ZNF875: variants seen among roughly 807,000 people sequenced by gnomAD.
ZNF875 encodes HKR1, GLI-Kruppel zinc finger family member.
In ZNF875, 14 loss-of-function variants were observed where a neutral mutation model predicts 11.2. The observed-to-expected ratio is 1.26, with a 90% CI of 0.83 to 1.96. The LOEUF (loss-of-function observed/expected upper bound fraction) is 1.96, where lower values mean the gene tolerates loss of function less well. Ranked by LOEUF, ZNF875 falls within the 30% of genes most tolerant of loss-of-function variation. The pLI, the probability that ZNF875 is intolerant of heterozygous loss-of-function variation, is 0.00. For missense variants in ZNF875, 752 were observed against 760.4 expected, an observed-to-expected ratio of 0.99 and a Z score of 0.13; for synonymous variants, 301 against 281.1, an observed-to-expected ratio of 1.07 and a Z score of -0.71.
rs2040056963 is a variant in ZNF875, at chr19:37,362,221, A to T, written c.369A>T (p.Leu123Phe). ...LSHLSQLFSS[L>F]WAGNPLHLGK... ...ATCTCTCTCAGCTGTTTTCAAGTTTATGGGCAGGAAATCCTCTCCACCTGG... is the reference window on the plus strand; with the variant it reads ...ATCTCTCTCAGCTGTTTTCAAGTTTTTGGGCAGGAAATCCTCTCCACCTGG... The change falls in exon 5 of 5, where the codon TTA becomes TTT. Residue 123 changes from leucine (L) to phenylalanine (F), a missense_variant. Transcript: ENST00000392153. The T allele has an allele frequency of 6.2e-7, 1 of 1,614,038 alleles. No individual in the cohort carries two copies. The highest frequency in any genetic ancestry group is 1.7e-5 in the Admixed American group (1 of 60,006).
intron 1 of ZNF875, 160 bp from the exon 2 acceptor site, chr19:37,335,009 G>C: frequency 7.3e-6 from 4 of 549,448 alleles, no homozygotes; most frequent in Non-Finnish European, 1.3e-5. Flanking sequence ...GCTTGAGGGT[G>C]GCTGGGTCAT....
rs143508441 is a variant in ZNF875, at chr19:37,359,950, A to AT, written c.257-2154dup. Reference sequence around the variant, plus strand: ...AATGCTGATTAAGTTTAACTTACCAATTTTTAAAATGGGTTGTGCTTTTGG... The same window carrying AT: ...AATGCTGATTAAGTTTAACTTACCAATTTTTTAAAATGGGTTGTGCTTTTGG... On this transcript the variant is annotated intron_variant, in intron 4 of 4. Transcript: ENST00000392153. Among the ~76,000 whole-genome samples the AT allele has an allele frequency of 6.4e-3, 978 of 152,230 alleles. 9 individuals carry two copies. Among genetic ancestry groups the AT allele is most frequent in the African/African-American group, 0.022 (911 of 41,542 alleles).
rs114715417 is a variant in ZNF875 at position 37,335,626 on chromosome 19, G to T, written c.33+369G>T. On this transcript the variant is annotated intron_variant, in intron 2 of 4. Transcript: ENST00000392153. ...GATAACAAGTTAGGGGGTGGTGATTGTCAGGTAATTGTCAGTTGGCCGTTT... is the reference window on the plus strand; with the variant it reads ...GATAACAAGTTAGGGGGTGGTGATTTTCAGGTAATTGTCAGTTGGCCGTTT... Among the ~76,000 whole-genome samples, 670 of 152,330 alleles carry T rather than the reference G, an allele frequency of 4.4e-3. 4 individuals are homozygous for T. Among genetic ancestry groups the T allele is most frequent in the African/African-American group, 0.015 (624 of 41,576 alleles).
At chr19:37,318,109 T>C (rs2030397540) in exon 1 of ZNF875, 1 of 154,362 alleles carries the variant, frequency 6.5e-6, no homozygotes, top group African/African-American at 2.4e-5. Flanking sequence ...TCCCCATCCG[T>C]CCACCGGACT....
At chr19:37,324,395 C>T (rs1183482646) in intron 4 of ZNF875, 1 of 152,178 alleles carries the variant, frequency 6.6e-6, no homozygotes, top group Non-Finnish European at 1.5e-5. Context: ...CTGTAGACCT[C>T]AGGCTCCAAC....
At chr19:37,334,403 C>G (rs1355544857), upstream of ZNF875, among the ~76,000 whole-genome samples, 2 of 152,226 alleles carry the variant, frequency 1.3e-5, no homozygotes, top group African/African-American at 2.4e-5. Context: ...CTTCGGCAGT[C>G]CCGCGATGCC....
chr19:37,356,808 GT>G (rs1473943809), intron 4 of ZNF875, among the ~76,000 whole-genome samples: 1 of 152,152 alleles, frequency 6.6e-6, no homozygotes, highest in Non-Finnish European at 1.5e-5. Flanking sequence ...TTCTTTTGCA[GT>G]GCAGAAGCTC....
intron 4 of ZNF875, among the ~76,000 whole-genome samples, chr19:37,327,245 G>A (rs1457037487): frequency 3.3e-5 from 5 of 151,308 alleles, no homozygotes; most frequent in South Asian, 2.1e-4. Context: ...CGCCCACCTC[G>A]GCCTCCCAAA....
upstream of ZNF875, among the ~76,000 whole-genome samples, chr19:37,331,759 A>G (rs1345742008): frequency 6.9e-6 from 1 of 144,650 alleles, no homozygotes; most frequent in Non-Finnish European, 1.6e-5. Flanking sequence ...AGTCTGAAAG[A>G]TGGCCTCGTG....
intron 2 of ZNF875, among the ~76,000 whole-genome samples, chr19:37,339,907 C>T (rs2035332620): frequency 1.3e-5 from 2 of 151,980 alleles, no homozygotes; most frequent in African/African-American, 4.8e-5. Flanking sequence ...CCAATTACTT[C>T]TTTCTTTTCT....
At chr19:37,345,937 G>A (rs2036673548) in intron 2 of ZNF875, among the ~76,000 whole-genome samples, 1 of 152,014 alleles carries the variant, frequency 6.6e-6, no homozygotes, top group South Asian at 2.1e-4. Context: ...GCAGAGGTTC[G>A]TTTGAAACTT....
At chr19:37,353,181 C>A (rs555954742) in intron 4 of ZNF875, among the ~76,000 whole-genome samples, 3 of 152,044 alleles carry the variant, frequency 2.0e-5, no homozygotes, top group Admixed American at 2.0e-4. Flanking sequence ...GCTCCTTTTT[C>A]GATCTTCATG....
rs769889310 is a variant in ZNF875 at position 37,363,218 on chromosome 19, G to A, written c.1366G>A (p.Gly456Arg). ...TAAACCTTATGTCTGCCTGGAGTGC[G>A]GGCAGTGCTTTAGCCTGAAGTCAAA... ...GVKPYVCLEC[G>R]QCFSLKSNLN... is the part of the protein sequence containing the mutation. Residue 456 changes from glycine (G) to arginine (R), a missense_variant, in exon 5 of 5, where the codon GGG (glycine) becomes AGG (arginine). By Grantham distance (125) the Gly-to-Arg change is moderately radical (BLOSUM62 -2). Coordinates refer to ENST00000392153, the MANE Select transcript of ZNF875 (RefSeq NM_001353803.2). 33 of 1,613,938 alleles carry A rather than the reference G, an allele frequency of 2.0e-5. No homozygotes were observed. The highest frequency in any genetic ancestry group is 4.4e-5 in the South Asian group (4 of 91,086).
In ZNF875 at chr19:37,347,833, T is replaced by G; in HGVS notation, c.217T>G (p.Trp73Gly). 6.2e-7 allele frequency: 1 copy of G among 1,613,268 alleles called. No homozygotes were observed. Among genetic ancestry groups the G allele is most frequent in the Non-Finnish European group, 8.5e-7 (1 of 1,179,278 alleles). The change falls in exon 4 of 5, where the codon TGG becomes GGG. Residue 73 changes from tryptophan (W) to glycine (G), a missense_variant. By Grantham distance (184) the Trp-to-Gly change is radical. Coordinates refer to ENST00000392153, the MANE Select transcript of ZNF875 (RefSeq NM_001353803.2). ...TCAGCTGGAGCGAGGGGAAGCGCCC[T>G]GGAGAGAGGAGAGAAAATGTCCACT... Reference protein sequence around the residue: ...IAQLERGEAPWREERKCPLDL... With the variant: ...IAQLERGEAPGREERKCPLDL...
chr19:37,333,528 G>A (rs145920006), upstream of ZNF875, among the ~76,000 whole-genome samples: 1 of 152,114 alleles, frequency 6.6e-6, no homozygotes. Flanking sequence ...CATTCTGGAG[G>A]GGGTAGGGTG....
In ZNF875 at chr19:37,363,100, C is replaced by T; in HGVS notation, c.1248C>T (p.His416=). The T allele has an allele frequency of 6.2e-7, 1 of 1,613,924 alleles. No individual in the cohort carries two copies. Among genetic ancestry groups the T allele is most frequent in the Non-Finnish European group, 8.5e-7 (1 of 1,179,990 alleles). Residue 416 remains histidine, a synonymous_variant, in exon 5 of 5, where the codon CAC becomes CAT. Transcript: ENST00000392153. ...KSHLIRHLRT[H]TGEKPYVCTE... is the part of the protein sequence containing the mutation. ...ACCTCATCAGACACTTAAGGACACACACAGGAGAGAAGCCTTATGTATGCA... is the reference window on the plus strand; with the variant it reads ...ACCTCATCAGACACTTAAGGACACATACAGGAGAGAAGCCTTATGTATGCA...
At chr19:37,359,395 A>G in intron 4 of ZNF875, 1 of 202,262 alleles carries the variant, frequency 4.9e-6, no homozygotes. Flanking sequence ...GCATTGTGAA[A>G]TATATAGTCT....
intron 2 of ZNF875, among the ~76,000 whole-genome samples, chr19:37,339,056 G>A (rs929520897): frequency 7.9e-5 from 12 of 151,926 alleles, no homozygotes; most frequent in African/African-American, 2.9e-4. Flanking sequence ...ACAAACTTGA[G>A]TGTCTGCTAT....
In ZNF875 at chr19:37,349,518, T is replaced by G. The variant is rs193072981; in HGVS notation, c.256+1646T>G. Among the ~76,000 whole-genome samples, 21 of 152,352 alleles carry G rather than the reference T, an allele frequency of 1.4e-4. No individual in the cohort carries two copies. In the East Asian group the frequency reaches 4.0e-3, roughly 29 times the overall value. ...TTATATGTTCATTCCTTGACTGGCC[T>G]TGGTGTTTGCTCTTCTGTGAAGCCT... is the stretch of plus-strand genomic sequence containing the variant. On this transcript the variant is annotated intron_variant, in intron 4 of 4. Coordinates refer to ENST00000392153, the MANE Select transcript of ZNF875 (RefSeq NM_001353803.2).
Sources: gnomAD v4.1 joint callset for allele counts (sites outside exome capture counted in the v4.1 genomes callset) on GRCh38, gnomAD v4.1.1 for gene constraint, MANE v1.5 for transcripts, NCBI Gene and HGNC (gene_info 2026-07-23, HGNC 2026-07-21) for gene names.